BMAL2: variants seen among roughly 807,000 people sequenced by gnomAD.
BMAL2 encodes basic helix-loop-helix ARNT like 2, also known as basic helix-loop-helix ARNT-like protein 2.
chr12:27,409,242 T>G, the BMAL2 span, among the ~76,000 whole-genome samples: 1 of 152,140 alleles, frequency 6.6e-6, no homozygotes, highest in Non-Finnish European at 1.5e-5. Context: ...TGGAAAAAAC[T>G]ACTTTAAAGT....
At chr12:27,353,453 G>A in the BMAL2 span, among the ~76,000 whole-genome samples, 5 of 152,078 alleles carry the variant, frequency 3.3e-5, no homozygotes, top group Non-Finnish European at 7.4e-5. Flanking sequence ...TTAAATATAA[G>A]ACCTAAAACT....
the BMAL2 span, chr12:27,424,368 A>G: frequency 2.0e-5 from 3 of 152,244 alleles, no homozygotes; most frequent in Non-Finnish European, 4.4e-5. Context: ...AAAATATCAG[A>G]TGTGTTATTA....
At chr12:27,338,853 T>G in the BMAL2 span, among the ~76,000 whole-genome samples, 133 of 152,360 alleles carry the variant, frequency 8.7e-4, no homozygotes, top group Non-Finnish European at 1.7e-3. Flanking sequence ...GATTCCTGGT[T>G]CCTGCCAGAT....
the BMAL2 span, among the ~76,000 whole-genome samples, chr12:27,369,761 A>G: frequency 1.3e-5 from 2 of 152,250 alleles, no homozygotes; most frequent in African/African-American, 4.8e-5. Flanking sequence ...GAGGGCACAG[A>G]TGAGACCTTG....
the BMAL2 span, among the ~76,000 whole-genome samples, chr12:27,367,765 CTA>C: frequency 2.0e-5 from 3 of 150,236 alleles, no homozygotes; most frequent in African/African-American, 4.9e-5. Context: ...TAAAATGTGT[CTA>C]TATATATATA....
the BMAL2 span, among the ~76,000 whole-genome samples, chr12:27,410,503 C>G: frequency 3.3e-3 from 499 of 152,174 alleles, 3 homozygotes; most frequent in African/African-American, 0.011. Context: ...GGACAAAAAA[C>G]CAAACACCGC....
the BMAL2 span, among the ~76,000 whole-genome samples, chr12:27,344,233 A>G: frequency 6.6e-6 from 1 of 152,110 alleles, no homozygotes; most frequent in African/African-American, 2.4e-5. Flanking sequence ...GCATTCCTTT[A>G]GTGTCTGCAA....
At chr12:27,342,306 A>G in the BMAL2 span, among the ~76,000 whole-genome samples, 2 of 152,188 alleles carry the variant, frequency 1.3e-5, no homozygotes, top group African/African-American at 4.8e-5. Context: ...GTAAACAGAA[A>G]CTCTATATAT....
At chr12:27,350,673 A>G in the BMAL2 span, among the ~76,000 whole-genome samples, 1 of 152,122 alleles carries the variant, frequency 6.6e-6, no homozygotes, top group Non-Finnish European at 1.5e-5. Context: ...AAAACTTTTT[A>G]GTGTATTTCT....
the BMAL2 span, among the ~76,000 whole-genome samples, chr12:27,392,939 C>T: frequency 6.6e-6 from 1 of 152,090 alleles, no homozygotes; most frequent in Non-Finnish European, 1.5e-5. Flanking sequence ...CTGCCCCCTA[C>T]CCCATCATCT....
the BMAL2 span, among the ~76,000 whole-genome samples, chr12:27,333,312 C>G: frequency 6.6e-6 from 1 of 151,958 alleles, no homozygotes; most frequent in Non-Finnish European, 1.5e-5. Flanking sequence ...GCGCGTCCTC[C>G]CGGGGAGCGG....
the BMAL2 span, among the ~76,000 whole-genome samples, chr12:27,405,448 G>A: frequency 3.3e-5 from 5 of 152,198 alleles, no homozygotes; most frequent in Admixed American, 6.5e-5. Context: ...ACCAATATCC[G>A]CTGTTCTGCA....
chr12:27,387,402 C>T, the BMAL2 span: 21 of 881,710 alleles, frequency 2.4e-5, no homozygotes, highest in Middle Eastern at 3.1e-4. Context: ...TTCTGAACAC[C>T]TTCTCCCCAC....
chr12:27,370,126 C>T, the BMAL2 span: 3 of 1,611,810 alleles, frequency 1.9e-6, no homozygotes, highest in Admixed American at 3.3e-5. Context: ...TCCTTCCTTC[C>T]AGGTCAGGAA....
At chr12:27,348,748 A>C in the BMAL2 span, among the ~76,000 whole-genome samples, 1 of 152,232 alleles carries the variant, frequency 6.6e-6, no homozygotes, top group Non-Finnish European at 1.5e-5. Context: ...TGCATAATCC[A>C]TCATTTCCTC....
the BMAL2 span, among the ~76,000 whole-genome samples, chr12:27,374,552 A>G: frequency 6.6e-6 from 1 of 152,226 alleles, no homozygotes. Flanking sequence ...GACTATTAGG[A>G]AGAAAATTAT....
At chr12:27,412,406 A>G in the BMAL2 span, among the ~76,000 whole-genome samples, 2 of 152,210 alleles carry the variant, frequency 1.3e-5, no homozygotes, top group Non-Finnish European at 2.9e-5. Flanking sequence ...AGGAACTTAA[A>G]TAGTAGATTT....
At chr12:27,341,314 T>TTTAA in the BMAL2 span, among the ~76,000 whole-genome samples, 2 of 152,234 alleles carry the variant, frequency 1.3e-5, no homozygotes, top group African/African-American at 4.8e-5. Context: ...GTTGAGGGTT[T>TTTAA]TTAACATCAA....
At chr12:27,370,819 T>C in the BMAL2 span, among the ~76,000 whole-genome samples, 1 of 152,182 alleles carries the variant, frequency 6.6e-6, no homozygotes, top group Non-Finnish European at 1.5e-5. Flanking sequence ...TTGGCCAGGA[T>C]GGTCTCAATC....
Sources: gnomAD v4.1 joint callset for allele counts (sites outside exome capture counted in the v4.1 genomes callset) on GRCh38, gnomAD v4.1.1 for gene constraint, MANE v1.5 for transcripts, NCBI Gene and HGNC (gene_info 2026-07-23, HGNC 2026-07-21) for gene names.